RBPMS2: variants seen among roughly 807,000 people sequenced by gnomAD.
RBPMS2 encodes the protein RNA-binding protein with multiple splicing 2.
RBPMS2 carries 14 observed loss-of-function variants against 25.7 expected under a neutral mutation model. The ratio of observed to expected loss-of-function variants is 0.55; its 90% CI spans 0.36 to 0.85. The LOEUF is 0.85. RBPMS2 is among the 40% of genes least tolerant of loss of function. The pLI is 0.01. For synonymous variants in RBPMS2, 127 were observed against 115.6 expected (o/e 1.10, Z -0.63); for missense variants, 252 against 283.4 (o/e 0.89, Z 0.80).
intron 1 of RBPMS2, chr15:64,761,169 C>T (rs2083781159): frequency 6.6e-6 from 1 of 152,164 alleles, no homozygotes; most frequent in Admixed American, 6.6e-5. Context: ...CAGCAGTCCC[C>T]TACCCACTGC....
chr15:64,768,631 C>G (rs1424588156), intron 1 of RBPMS2, among the ~76,000 whole-genome samples: 1 of 149,798 alleles, frequency 6.7e-6, no homozygotes, highest in Admixed American at 6.7e-5. Flanking sequence ...AAGCAAGACT[C>G]TGTCTCGAGG....
rs543149654 is a variant in RBPMS2 at position 64,765,599 on chromosome 15, G to C, written c.87+9634C>G. Among the ~76,000 whole-genome samples the C allele has an allele frequency of 4.1e-4, 62 of 151,578 alleles. No homozygotes were observed. In the East Asian group the frequency reaches 8.2e-3, roughly 20 times the overall value. ...GTGTCAGAATAAAAAAAAGGGCGGGGGGGGACCAGTCTGGGCAAAAACTGG... is the reference window on the plus strand; with the variant it reads ...GTGTCAGAATAAAAAAAAGGGCGGGCGGGGACCAGTCTGGGCAAAAACTGG... On this transcript the variant is annotated intron_variant, in intron 1 of 7. Coordinates refer to ENST00000300069, the MANE Select transcript of RBPMS2 (RefSeq NM_194272.3).
intron 6 of RBPMS2, among the ~76,000 whole-genome samples, chr15:64,744,797 T>G (rs2083601253): frequency 3.2e-5 from 2 of 62,628 alleles, no homozygotes; most frequent in African/African-American, 6.6e-5. Context: ...TGGTTTGTTT[T>G]GTTTTTTTTT....
At chr15:64,767,310 G>A (rs1245964694) in intron 1 of RBPMS2, among the ~76,000 whole-genome samples, 1 of 152,136 alleles carries the variant, frequency 6.6e-6, no homozygotes, top group Non-Finnish European at 1.5e-5. Context: ...CTGCCCCACT[G>A]CCTCATGGTT....
intron 1 of RBPMS2, among the ~76,000 whole-genome samples, chr15:64,770,507 C>T (rs1281020856): frequency 6.6e-6 from 1 of 152,184 alleles, no homozygotes; most frequent in Non-Finnish European, 1.5e-5. Context: ...CAGCCTCTCC[C>T]TTAGATTACT....
Position 64,747,792 on chromosome 15 carries a change from C to T in RBPMS2, c.567+627G>A, listed in dbSNP as rs745964139. 8.5e-5 allele frequency among the ~76,000 whole-genome samples: 13 copies of T among 152,320 alleles called. 1 individual carries two copies. The highest frequency in any genetic ancestry group is 3.4e-3 in the Middle Eastern group (1 of 294). The stretch of plus-strand genomic sequence containing the variant: ...CAGAGCCTTCCTGGCCCTGCTCTAA[C>T]AGCCCCGACTCTCCCCAGAAGCATT... On this transcript the variant is annotated intron_variant, in intron 6 of 7. Coordinates refer to ENST00000300069, the MANE Select transcript of RBPMS2 (RefSeq NM_194272.3).
chr15:64,748,374 C>A, intron 6 of RBPMS2, 45 bp downstream of exon 6: 2 of 1,597,424 alleles, frequency 1.3e-6, no homozygotes, highest in Non-Finnish European at 1.7e-6. Flanking sequence ...GTCTGGCCAG[C>A]TAAGAGCCCT....
intron 1 of RBPMS2, among the ~76,000 whole-genome samples, chr15:64,753,798 G>A (rs112788551): frequency 4.4e-3 from 671 of 152,212 alleles, no homozygotes; most frequent in African/African-American, 0.014. Flanking sequence ...CATGTCCCAC[G>A]GAGACACCAC....
At chr15:64,760,682 T>C (rs970196128) in intron 1 of RBPMS2, among the ~76,000 whole-genome samples, 3 of 151,726 alleles carry the variant, frequency 2.0e-5, no homozygotes, top group Non-Finnish European at 4.4e-5. Flanking sequence ...ACGCCTGTAA[T>C]CCCAGCTACT....
chr15:64,774,732 A>AGCCGGCCGGCCGGCGG (rs146916271), intron 1 of RBPMS2, among the ~76,000 whole-genome samples: 1 of 147,068 alleles, frequency 6.8e-6, no homozygotes, highest in Non-Finnish European at 1.5e-5. Flanking sequence ...GGAACCGAGG[A>AGCCGGCCGGCCGGCGG]GCCGGCCGGC....
chr15:64,759,925 G>A (rs1363952217), intron 1 of RBPMS2, among the ~76,000 whole-genome samples: 1 of 152,130 alleles, frequency 6.6e-6, no homozygotes, highest in African/African-American at 2.4e-5. Context: ...TGCCCACCTT[G>A]GCCTCCCAAA....
At chr15:64,758,991 C>T (rs1385950) in intron 1 of RBPMS2, among the ~76,000 whole-genome samples, 112,861 of 152,092 alleles carry the variant, frequency 0.74, 45,593 homozygotes, top group East Asian at 0.96. Flanking sequence ...GGGCGTCACT[C>T]TGTGGCCTGG....
At chr15:64,754,731 T>C (rs1451322714) in intron 1 of RBPMS2, among the ~76,000 whole-genome samples, 6 of 149,448 alleles carry the variant, frequency 4.0e-5, no homozygotes, top group Non-Finnish European at 1.5e-5. Flanking sequence ...AACCCAAGTC[T>C]TCCTACTACG....
chr15:64,767,478 T>C (rs2083857281), intron 1 of RBPMS2, among the ~76,000 whole-genome samples: 2 of 152,150 alleles, frequency 1.3e-5, no homozygotes, highest in African/African-American at 4.8e-5. Flanking sequence ...AGGAGCTCAG[T>C]ACTCAGGGCA....
intron 1 of RBPMS2, among the ~76,000 whole-genome samples, chr15:64,768,368 A>C (rs2083864359): frequency 6.6e-6 from 1 of 152,040 alleles, no homozygotes. Flanking sequence ...GGCCAGGTGC[A>C]GTGACTCAAA....
intron 1 of RBPMS2, among the ~76,000 whole-genome samples, chr15:64,757,810 TC>T (rs35092283): frequency 6.6e-6 from 1 of 151,090 alleles, no homozygotes; most frequent in South Asian, 2.1e-4. Context: ...CAAGGCCCTA[TC>T]CCCCCCCACA....
At chr15:64,744,793 GTTTTGTTTTTTTTTTTTTTTTTTTTT>G (rs2083601005) in intron 6 of RBPMS2, among the ~76,000 whole-genome samples, 1 of 57,796 alleles carries the variant, frequency 1.7e-5, no homozygotes, top group African/African-American at 8.7e-5. Flanking sequence ...TTTTTGGTTT[GTTTTGTTTTTTTTTTTTTTTTTTTTT>G]TTTTTTTTTT....
intron 1 of RBPMS2, among the ~76,000 whole-genome samples, chr15:64,754,648 T>C (rs542296027): frequency 5.4e-5 from 8 of 147,884 alleles, no homozygotes; most frequent in African/African-American, 2.0e-4. Flanking sequence ...TCCTACTACA[T>C]GCCCAGCCTG....
chr15:64,749,217 T>A, intron 4 of RBPMS2, 67 bp from the exon 5 acceptor site: 1 of 1,571,256 alleles, frequency 6.4e-7, no homozygotes, highest in Non-Finnish European at 8.7e-7. Context: ...TGGCAGAGAG[T>A]AGAGAAGGGC....
Sources: gnomAD v4.1 joint callset for allele counts (sites outside exome capture counted in the v4.1 genomes callset) on GRCh38, gnomAD v4.1.1 for gene constraint, MANE v1.5 for transcripts, NCBI Gene and HGNC (gene_info 2026-07-23, HGNC 2026-07-21) for gene names.